The following CATSPERE variants were observed in gnomAD, a reference collection of about 807,000 sequenced individuals.
The protein encoded by CATSPERE is cation channel sperm-associated auxiliary subunit epsilon.
Under a neutral mutation model 114.1 loss-of-function variants are expected in CATSPERE, and 93 were observed. The observed-to-expected ratio is 0.81, with a 90% confidence interval of 0.69 to 0.97. The LOEUF (loss-of-function observed/expected upper bound fraction) is 0.97, where lower values mean the gene tolerates loss of function less well. Ranked by LOEUF, CATSPERE falls within the 50% of genes least tolerant of loss-of-function variation. The pLI is 0.00. For missense variants in CATSPERE, 1,058 were observed against 1,131.6 expected, an observed-to-expected ratio of 0.93 and a Z score of 0.93; for synonymous variants, 341 against 384.1, an observed-to-expected ratio of 0.89 and a Z score of 1.31.
chr1:244,533,434 CTTCT>C (rs1679921131), intron 8 of CATSPERE, among the ~76,000 whole-genome samples: 1 of 151,832 alleles, frequency 6.6e-6, no homozygotes, highest in Non-Finnish European at 1.5e-5. Context: ...TCTTCTCTTC[CTTCT>C]TTTCTTCCTT....
chr1:244,611,502 G>A (rs1207096759), intron 19 of CATSPERE, among the ~76,000 whole-genome samples: 1 of 152,028 alleles, frequency 6.6e-6, no homozygotes, highest in African/African-American at 2.4e-5. Context: ...AGCTGAGGTG[G>A]GAGGATCACT....
chr1:244,493,695 T>C (rs1672617869), intron 6 of CATSPERE, among the ~76,000 whole-genome samples: 1 of 152,194 alleles, frequency 6.6e-6, no homozygotes, highest in African/African-American at 2.4e-5. Flanking sequence ...TTTTGCAACC[T>C]ACTCATCTGA....
intron 21 of CATSPERE, among the ~76,000 whole-genome samples, chr1:244,638,644 A>G (rs755808346): frequency 1.2e-4 from 18 of 152,242 alleles, no homozygotes; most frequent in Non-Finnish European, 2.6e-4. Flanking sequence ...GGACATGTCC[A>G]AAAGTGAACT....
chr1:244,537,161 T>C (rs2148442129), intron 8 of CATSPERE, among the ~76,000 whole-genome samples: 1 of 151,330 alleles, frequency 6.6e-6, no homozygotes, highest in Admixed American at 6.6e-5. Flanking sequence ...GTCAAGTTTT[T>C]GTATGCTTTC....
chr1:244,457,739 G>A (rs1415344902), upstream of CATSPERE, among the ~76,000 whole-genome samples: 1 of 152,072 alleles, frequency 6.6e-6, no homozygotes, highest in Non-Finnish European at 1.5e-5. Context: ...TATAAATTAT[G>A]TCTCTTTCTA....
At chr1:244,476,038 A>G (rs924279074) in intron 2 of CATSPERE, among the ~76,000 whole-genome samples, 5 of 152,140 alleles carry the variant, frequency 3.3e-5, no homozygotes, top group Non-Finnish European at 7.4e-5. Flanking sequence ...AGGGCATTGT[A>G]TATGTGATAG....
intron 20 of CATSPERE, among the ~76,000 whole-genome samples, chr1:244,631,925 A>G (rs1206177871): frequency 2.0e-5 from 3 of 152,178 alleles, no homozygotes; most frequent in Non-Finnish European, 4.4e-5. Context: ...CTCTTACTGT[A>G]TGACCCAGCA....
chr1:244,599,781 G>T (rs985864671), intron 17 of CATSPERE, among the ~76,000 whole-genome samples: 1 of 152,190 alleles, frequency 6.6e-6, no homozygotes, highest in African/African-American at 2.4e-5. Context: ...TCAAGTAAGA[G>T]TAGTTTCTAC....
At chr1:244,513,212 A>G (rs145448813) in intron 7 of CATSPERE, among the ~76,000 whole-genome samples, 6 of 152,112 alleles carry the variant, frequency 3.9e-5, no homozygotes, top group Admixed American at 1.3e-4. Flanking sequence ...AGTACCAGCA[A>G]TTGCAGTGGT....
chr1:244,490,453 C>G lies in CATSPERE; in HGVS notation c.333C>G (p.Phe111Leu). ...TTCCTCTTTTTCCAAGCAGACATTT[C>G]TTTAACAACTTTACCCAGGTAAAAT... ...CFLWYYRVRH[F>L]FNNFTQLITV... Residue 111 changes from phenylalanine to leucine, a missense_variant, in exon 6 of 22, where the codon TTC becomes TTG. Physicochemically the swap from Phe to Leu is conservative, Grantham distance 22. This residue lies in a region of CATSPERE where 271 missense variants were observed against 225.9 expected (regional missense o/e 1.20). Transcript: ENST00000366534. 1 of 1,538,126 alleles carries G rather than the reference C, an allele frequency of 6.5e-7. No individual in the cohort carries two copies. The highest frequency in any genetic ancestry group is 9.0e-7 in the Non-Finnish European group (1 of 1,115,162).
intron 2 of CATSPERE, among the ~76,000 whole-genome samples, chr1:244,470,947 A>C (rs1287761958): frequency 6.6e-6 from 1 of 152,240 alleles, no homozygotes; most frequent in East Asian, 1.9e-4. Flanking sequence ...CATTCACATG[A>C]AATGTCCAGA....
intron 19 of CATSPERE, among the ~76,000 whole-genome samples, chr1:244,612,409 A>G (rs1386192450): frequency 2.1e-5 from 2 of 93,306 alleles, no homozygotes; most frequent in East Asian, 7.1e-4. Context: ...ATTTTAAAAA[A>G]ATCAGGGAAG....
intron 6 of CATSPERE, among the ~76,000 whole-genome samples, chr1:244,492,911 G>T (rs56797321): frequency 3.0e-4 from 45 of 150,096 alleles, no homozygotes; most frequent in African/African-American, 9.8e-4. Context: ...CCTCTTCAAG[G>T]AGAACTACAA....
At chr1:244,542,320 T>C (rs1275547234) in intron 8 of CATSPERE, among the ~76,000 whole-genome samples, 2 of 152,160 alleles carry the variant, frequency 1.3e-5, no homozygotes, top group Non-Finnish European at 2.9e-5. Flanking sequence ...GCCTTGATGC[T>C]GTGCTTTTCT....
chr1:244,571,819 CTG>C (rs1333497283), intron 10 of CATSPERE, among the ~76,000 whole-genome samples: 3 of 152,122 alleles, frequency 2.0e-5, no homozygotes, highest in East Asian at 1.9e-4. Flanking sequence ...CCTTTCTTCT[CTG>C]TGTGTCCGGA....
chr1:244,621,325 T>TAAATATATAAA (rs1558611656), intron 20 of CATSPERE, among the ~76,000 whole-genome samples: 3 of 11,738 alleles, frequency 2.6e-4, no homozygotes, highest in African/African-American at 3.8e-4. Flanking sequence ...AATATATATA[T>TAAATATATAAA]ATATATATAT....
chr1:244,599,252 A>G (rs2148662593), intron 17 of CATSPERE, among the ~76,000 whole-genome samples: 1 of 152,270 alleles, frequency 6.6e-6, no homozygotes, highest in South Asian at 2.1e-4. Context: ...AAATACATAT[A>G]TCACTTTTGC....
intron 2 of CATSPERE, among the ~76,000 whole-genome samples, chr1:244,466,700 G>A (rs1048132180): frequency 1.3e-5 from 2 of 152,178 alleles, no homozygotes; most frequent in Admixed American, 6.5e-5. Flanking sequence ...AGGAAAGCAA[G>A]GGTCTTAGAA....
intron 5 of CATSPERE, among the ~76,000 whole-genome samples, chr1:244,483,231 G>A (rs2148179540): frequency 6.6e-6 from 1 of 152,234 alleles, no homozygotes; most frequent in African/African-American, 2.4e-5. Context: ...CCAGACCTAT[G>A]GGATAATAAT....
Sources: gnomAD v4.1 joint callset for allele counts (sites outside exome capture counted in the v4.1 genomes callset) on GRCh38, gnomAD v4.1.1 for gene constraint, gnomAD v4.1.1 regional missense constraint, MANE v1.5 for transcripts, NCBI Gene and HGNC (gene_info 2026-07-23, HGNC 2026-07-21) for gene names.